ENO1: variants seen among roughly 807,000 people sequenced by gnomAD.
ENO1 encodes the protein enolase 1.
Under a neutral mutation model 46.3 loss-of-function variants are expected in ENO1, and 33 were observed. That is an observed-to-expected ratio of 0.71 (90% CI 0.54 to 0.95). The LOEUF (loss-of-function observed/expected upper bound fraction) is 0.95, where lower values mean the gene tolerates loss of function less well. Among genes scored for constraint, ENO1 ranks in the 40% least tolerant of loss-of-function variants. ENO1 has a pLI of 0.00. For missense variants in ENO1, 488 were observed against 553.3 expected, an observed-to-expected ratio of 0.88 and a Z score of 1.18; for synonymous variants, 220 against 216.0, an observed-to-expected ratio of 1.02 and a Z score of -0.16.
At chr1:8,874,407 GTC>G (rs1337202218) in intron 2 of ENO1, among the ~76,000 whole-genome samples, 1 of 151,458 alleles carries the variant, frequency 6.6e-6, no homozygotes, top group Non-Finnish European at 1.5e-5. Context: ...TGAAACCCCC[GTC>G]TCTCCCAAAA....
intron 2 of ENO1, 49 bp from the exon 3 acceptor site, chr1:8,872,035 A>G: frequency 6.5e-7 from 1 of 1,531,874 alleles, no homozygotes; most frequent in Non-Finnish European, 9.0e-7. Flanking sequence ...ATCCAGTTCC[A>G]GCACAATCCC....
rs962155672 is a variant in ENO1, at chr1:8,867,142, T to A, written c.419A>T (p.Asn140Ile). The change falls in exon 6 of 12, where the codon AAC (asparagine) becomes ATC (isoleucine). Residue 140 changes from asparagine (N) to isoleucine (I), a missense_variant. By Grantham distance (149) the Asn-to-Ile change is moderately radical (BLOSUM62 -3). Coordinates refer to ENST00000234590, the MANE Select transcript of ENO1 (RefSeq NM_001428.5). Reference protein sequence around the residue: ...LYRHIADLAGNSEVILPVPAF... With the variant: ...LYRHIADLAGISEVILPVPAF... ...CGGGACTGGCAGGATGACTTCAGAG[T>A]TGCCAGCCAAGTCAGCGATGTGGCG... 1.2e-6 allele frequency: 2 copies of A among 1,613,912 alleles called. No individual in the cohort carries two copies. Among genetic ancestry groups the A allele is most frequent in the African/African-American group, 2.7e-5 (2 of 74,962 alleles).
intron 5 of ENO1, 34 bp downstream of exon 5, chr1:8,867,954 T>C: frequency 6.3e-7 from 1 of 1,594,402 alleles, no homozygotes. Flanking sequence ...CTTCATGATC[T>C]TCCCCAGTAA....
intron 1 of ENO1, 86 bp from the exon 2 acceptor site, chr1:8,875,003 G>A (rs1347852019): frequency 2.6e-5 from 29 of 1,135,342 alleles, no homozygotes; most frequent in South Asian, 4.0e-5. Flanking sequence ...TCCGAGGTTC[G>A]TGGACTAGAG....
Position 8,861,165 on chromosome 1 carries a change from G to A in ENO1, c.*195C>T. On this transcript the variant is annotated 3_prime_UTR_variant, in exon 12 of 12. Transcript: ENST00000234590. ...GGCCAATTACACGACTGCAAAGCTA[G>A]AGCTGCCAACAGGGCTCCAGGGAGC... is the stretch of plus-strand genomic sequence containing the variant. 1.8e-6 allele frequency: 1 copy of A among 555,782 alleles called. No homozygotes were observed. The highest frequency in any genetic ancestry group is 3.2e-6 in the Non-Finnish European group (1 of 313,948). 34.4% of individuals were successfully genotyped at this position (555,782 alleles called of 1,614,324 possible).
intron 2 of ENO1, among the ~76,000 whole-genome samples, chr1:8,872,414 C>T (rs6700093): frequency 0.061 from 9,291 of 151,976 alleles, 985 homozygotes; most frequent in African/African-American, 0.21. Context: ...GACAGAATCT[C>T]GCTCTATCCC....
At chr1:8,861,519 G>A in intron 11 of ENO1, 90 bp from the exon 12 acceptor site, 1 of 1,335,400 alleles carries the variant, frequency 7.5e-7, no homozygotes, top group South Asian at 1.2e-5. Flanking sequence ...TGTGGTCAAA[G>A]ACACAGCCCC....
intron 3 of ENO1, chr1:8,871,467 C>A: frequency 9.9e-7 from 1 of 1,007,168 alleles, no homozygotes; most frequent in Non-Finnish European, 1.2e-6. Context: ...CCATTCAGGG[C>A]AGGTCATTGG....
chr1:8,867,814 G>C (rs1307566879), intron 5 of ENO1, among the ~76,000 whole-genome samples, 174 bp downstream of exon 5: 1 of 152,268 alleles, frequency 6.6e-6, no homozygotes, highest in Non-Finnish European at 1.5e-5. Context: ...ACAGGCGTGA[G>C]CCACCGCACC....
rs878870368 is a variant in ENO1, at chr1:8,863,888, T to TA, written c.1067+2dup. 4 of 1,613,536 alleles carry TA rather than the reference T, an allele frequency of 2.5e-6. No individual in the cohort carries two copies. Among genetic ancestry groups the TA allele is most frequent in the East Asian group, 2.2e-5 (1 of 44,866 alleles). ...AAAGCTGCTCGCCTGGGAAGACACTTACGCCTGAAGAGACTCGGTCACGGA... is the reference window on the plus strand; with the variant it reads ...AAAGCTGCTCGCCTGGGAAGACACTTAACGCCTGAAGAGACTCGGTCACGGA... On this transcript the variant is annotated splice_region_variant and intron_variant, in intron 9 of 11. Transcript: ENST00000234590.
Position 8,866,159 on chromosome 1 carries a change from A to G in ENO1, c.667+120T>C, listed in dbSNP as rs1169042957. 5 of 824,238 alleles carry G rather than the reference A, an allele frequency of 6.1e-6. No individual in the cohort carries two copies. In the East Asian group the frequency reaches 7.7e-5, roughly 13 times the overall value. 51.1% of individuals were successfully genotyped at this position (824,238 alleles called of 1,614,324 possible). A position where few individuals can be genotyped will look rare whatever the true frequency, so the allele number is the denominator to read the frequency against. The stretch of plus-strand genomic sequence containing the variant: ...CCTTAAAACCGTTTGAAGGGTCTTG[A>G]TCTTTACAAACTACAGGTGGAAAGA... On this transcript the variant is annotated intron_variant, in intron 7 of 11. Transcript: ENST00000234590.
chr1:8,862,843 A>C, intron 11 of ENO1, 44 bp downstream of exon 11: 3 of 1,607,182 alleles, frequency 1.9e-6, no homozygotes. Flanking sequence ...GCAGGCCCCC[A>C]CCTAGTGAAC....
chr1:8,868,558 G>A (rs1190784601), intron 4 of ENO1, among the ~76,000 whole-genome samples: 1 of 152,212 alleles, frequency 6.6e-6, no homozygotes, highest in Non-Finnish European at 1.5e-5. Flanking sequence ...CAGGTAGTCC[G>A]AAATCATTTA....
At chr1:8,865,166 A>G in intron 8 of ENO1, 119 bp downstream of exon 8, 1 of 1,244,066 alleles carries the variant, frequency 8.0e-7, no homozygotes, top group Non-Finnish European at 1.1e-6. Context: ...CGGGAGCTGG[A>G]AGTTCAGACA....
chr1:8,864,631 A>C (rs1642473540), intron 8 of ENO1, among the ~76,000 whole-genome samples: 1 of 152,156 alleles, frequency 6.6e-6, no homozygotes, highest in South Asian at 2.1e-4. Flanking sequence ...AAGACCTGTA[A>C]GAAGAGGACA....
At chr1:8,870,350 T>C (rs1463955678) in intron 4 of ENO1, 102 bp downstream of exon 4, 9 of 1,461,304 alleles carry the variant, frequency 6.2e-6, no homozygotes, top group African/African-American at 2.8e-5. Context: ...AATAGGCTTC[T>C]ACAGCTCTCA....
At chr1:8,870,698 C>T in intron 3 of ENO1, 188 bp from the exon 4 acceptor site, 3 of 1,456,888 alleles carry the variant, frequency 2.1e-6, no homozygotes, top group Non-Finnish European at 2.7e-6. Flanking sequence ...GTGCTCCTAC[C>T]TAGGACCCCA....
At chr1:8,871,693 C>T (rs1642636058) in intron 3 of ENO1, 198 bp downstream of exon 3, 1 of 1,342,200 alleles carries the variant, frequency 7.5e-7, no homozygotes, top group African/African-American at 1.5e-5. Flanking sequence ...AGCATGCAGG[C>T]TCGGGAACCC....
In ENO1 at chr1:8,861,261, C is replaced by T. The variant is rs1324643872; in HGVS notation, c.*99G>A. 5 of 1,259,534 alleles carry T rather than the reference C, an allele frequency of 4.0e-6. No homozygotes were observed. The highest frequency in any genetic ancestry group is 2.3e-5 in the East Asian group (1 of 42,850). 78.0% of individuals were successfully genotyped at this position (1,259,534 alleles called of 1,614,324 possible). A position where few individuals can be genotyped will look rare whatever the true frequency, so the allele number is the denominator to read the frequency against. ...GGTGGGGCGCTAACTAGCAGGGACC[C>T]CTGCAAGTGTTGGTCGGGGGCCTCG... On this transcript the variant is annotated 3_prime_UTR_variant, in exon 12 of 12. Transcript: ENST00000234590.
Sources: gnomAD v4.1 joint callset for allele counts (sites outside exome capture counted in the v4.1 genomes callset) on GRCh38, gnomAD v4.1.1 for gene constraint, MANE v1.5 for transcripts, NCBI Gene and HGNC (gene_info 2026-07-23, HGNC 2026-07-21) for gene names.